Variants in LARP4 observed in about 807,000 individuals in gnomAD.
LARP4 encodes the protein la-related protein 4.
LARP4 carries 29 observed loss-of-function variants against 92.9 expected under a neutral mutation model. That is an observed-to-expected ratio of 0.31 (90% CI 0.23 to 0.43). The LOEUF (loss-of-function observed/expected upper bound fraction) is 0.43. Ranked by LOEUF, LARP4 falls within the 20% of genes least tolerant of loss-of-function variation. LARP4 has a pLI of 1.00. For synonymous variants in LARP4, 279 were observed against 284.1 expected, an observed-to-expected ratio of 0.98 and a Z score of 0.18; for missense variants, 732 against 860.0, an observed-to-expected ratio of 0.85 and a Z score of 1.86.
intron 12 of LARP4, among the ~76,000 whole-genome samples, chr12:50,465,931 A>C (rs1430195928): frequency 6.6e-6 from 1 of 152,232 alleles, no homozygotes; most frequent in Non-Finnish European, 1.5e-5. Context: ...TGAGAAGTAA[A>C]GAGTAATAAC....
intron 7 of LARP4, 119 bp downstream of exon 7, chr12:50,440,668 GTCACCCTTTTGCTTTTGC>G: frequency 1.6e-6 from 1 of 639,312 alleles, no homozygotes. Context: ...GAGTACCTTG[GTCACCCTTTTGCTTTTGC>G]TCAATTGGTT....
In LARP4 at chr12:50,427,768, G is replaced by T. The variant is rs146142861; in HGVS notation, c.25G>T (p.Ala9Ser). Residue 9 changes from alanine (A) to serine (S), a missense_variant, in exon 2 of 16, where the codon GCA becomes TCA. Coordinates refer to ENST00000398473, the MANE Select transcript of LARP4 (RefSeq NM_052879.5). ...AGATCCTTCGATTATTTAGCAGGTAGCATCTAAAGGAACTGGTTTAAATCC... is the reference window on the plus strand; with the variant it reads ...AGATCCTTCGATTATTTAGCAGGTATCATCTAAAGGAACTGGTTTAAATCC... MLLFVEQV[A>S]SKGTGLNPNA... 35,976 of 1,533,430 alleles carry T rather than the reference G, an allele frequency of 0.023. 532 individuals are homozygous for T. The highest frequency in any genetic ancestry group is 0.053 in the Middle Eastern group (239 of 4,516). 95.0% of individuals were successfully genotyped at this position (1,533,430 alleles called of 1,614,324 possible).
intron 4 of LARP4, among the ~76,000 whole-genome samples, chr12:50,435,280 A>G (rs1490796490): frequency 6.6e-6 from 1 of 152,248 alleles, no homozygotes; most frequent in Non-Finnish European, 1.5e-5. Flanking sequence ...TAAAAGTTAT[A>G]TTAACTAATG....
At position 50,416,649 on chromosome 12, in the gene LARP4, G is replaced by A. The variant is rs147719040; in HGVS notation, c.19-11113G>A. On this transcript the variant is annotated intron_variant, in intron 1 of 15. Transcript: ENST00000398473. ...CAGTGGGCCAAGATCACACCACTGC[G>A]CTCCATCCTAGGCCGCAGAGTGAGA... Among the ~76,000 whole-genome samples the A allele has an allele frequency of 2.1e-3, 320 of 152,088 alleles. 1 individual carries two copies. The highest frequency in any genetic ancestry group is 7.1e-3 in the African/African-American group (293 of 41,496).
At position 50,426,687 on chromosome 12, in the gene LARP4, GTGT is replaced by G. The variant is rs1948775195; in HGVS notation, c.19-1074_19-1072del. The stretch of plus-strand genomic sequence containing the variant: ...TGGAACAGGGCATTATGTTTGGGGT[GTGT>G]GTGTGTGTGTGTGTGTGTGTGTGTG... On this transcript the variant is annotated intron_variant, in intron 1 of 15. Coordinates refer to ENST00000398473, the MANE Select transcript of LARP4 (RefSeq NM_052879.5). Among the ~76,000 whole-genome samples, 235 of 81,048 alleles carry G rather than the reference GTGT, an allele frequency of 2.9e-3. 4 individuals are homozygous for G. The highest frequency in any genetic ancestry group is 8.7e-3 in the African/African-American group (193 of 22,094). The allele number at this position is 81,048 out of a possible 152,430, so 53.2% of individuals were successfully genotyped here.
intron 10 of LARP4, among the ~76,000 whole-genome samples, chr12:50,459,141 G>A (rs2138572385): frequency 6.6e-6 from 1 of 152,266 alleles, no homozygotes. Context: ...TGGGATTACA[G>A]GTGTTTGCCA....
chr12:50,468,173 T>G (rs1286143703), intron 13 of LARP4, among the ~76,000 whole-genome samples: 1 of 152,068 alleles, frequency 6.6e-6, no homozygotes, highest in Non-Finnish European at 1.5e-5. Flanking sequence ...AGAGACAGGG[T>G]TTCTCCATGT....
At chr12:50,403,244 G>A (rs1025860309) in intron 1 of LARP4, among the ~76,000 whole-genome samples, 3 of 152,178 alleles carry the variant, frequency 2.0e-5, no homozygotes, top group Non-Finnish European at 2.9e-5. Flanking sequence ...GAGGAAGTAA[G>A]TACCTAAGCT....
intron 13 of LARP4, among the ~76,000 whole-genome samples, chr12:50,470,743 A>G (rs112010785): frequency 1.4e-4 from 22 of 152,262 alleles, no homozygotes; most frequent in African/African-American, 4.6e-4. Context: ...TATAACCCCA[A>G]CACACAATTA....
intron 12 of LARP4, 50 bp downstream of exon 12, chr12:50,462,680 C>G (rs779326821): frequency 8.5e-7 from 1 of 1,181,700 alleles, no homozygotes; most frequent in South Asian, 1.3e-5. Context: ...CTGTGATTTA[C>G]TATGGCATTG....
intron 12 of LARP4, among the ~76,000 whole-genome samples, chr12:50,463,244 A>G (rs570831870): frequency 6.6e-6 from 1 of 150,976 alleles, no homozygotes; most frequent in African/African-American, 2.4e-5. Flanking sequence ...GCCCCATGCA[A>G]GTGCAAAACC....
intron 5 of LARP4, among the ~76,000 whole-genome samples, chr12:50,437,086 C>T (rs2137462648): frequency 6.6e-6 from 1 of 152,280 alleles, no homozygotes; most frequent in African/African-American, 2.4e-5. Context: ...TCACACTTAA[C>T]TGCTTATTTT....
chr12:50,434,422 T>G (rs1474234552), intron 4 of LARP4, among the ~76,000 whole-genome samples: 6 of 150,618 alleles, frequency 4.0e-5, no homozygotes, highest in Admixed American at 6.6e-5. Context: ...TTTTTTTTTT[T>G]TTGTTTATGT....
chr12:50,449,229 G>A (rs368768981), intron 8 of LARP4, among the ~76,000 whole-genome samples: 12 of 152,262 alleles, frequency 7.9e-5, no homozygotes, highest in South Asian at 2.1e-4. Context: ...TGGCGGCAGA[G>A]CAAGACTGTG....
chr12:50,401,141 G>C, intron 1 of LARP4, 113 bp downstream of exon 1: 6 of 1,233,062 alleles, frequency 4.9e-6, no homozygotes, highest in African/African-American at 1.5e-5. Context: ...GGAACCGGCA[G>C]ATAGGCTGAC....
chr12:50,420,475 T>C (rs1947555212), intron 1 of LARP4, among the ~76,000 whole-genome samples: 1 of 152,208 alleles, frequency 6.6e-6, no homozygotes, highest in Non-Finnish European at 1.5e-5. Context: ...TGATGAACGA[T>C]TTCAGGGAGT....
At position 50,479,164 on chromosome 12, in the gene LARP4, A is replaced by G. The variant is rs1317414242; in HGVS notation, c.*3300A>G. 6.6e-6 allele frequency: 1 copy of G among 152,598 alleles called. No individual in the cohort carries two copies. Among genetic ancestry groups the G allele is most frequent in the Non-Finnish European group, 1.5e-5 (1 of 68,018 alleles). The allele number at this position is 152,598 out of a possible 1,614,324, so 9.5% of individuals were successfully genotyped here. A position where few individuals can be genotyped will look rare whatever the true frequency, so the allele number is the denominator to read the frequency against. ...TAGTTTTCTTAGTTATGGCCTTAAT[A>G]ATTAGTCTCTTGGCTTAAATGTCCA... On this transcript the variant is annotated 3_prime_UTR_variant, in exon 16 of 16. Transcript: ENST00000398473.
intron 4 of LARP4, among the ~76,000 whole-genome samples, chr12:50,435,180 G>A (rs2137357396): frequency 6.6e-6 from 1 of 152,284 alleles, no homozygotes; most frequent in East Asian, 1.9e-4. Context: ...GTAATGTTTT[G>A]TTAAAGTGCT....
intron 5 of LARP4, among the ~76,000 whole-genome samples, chr12:50,436,155 G>GGTGT (rs1233189885): frequency 1.9e-5 from 2 of 107,162 alleles, no homozygotes; most frequent in African/African-American, 6.7e-5. Context: ...ATCCCGCTGG[G>GGTGT]GTGTGTGTGT....
Sources: allele counts gnomAD v4.1 joint callset (sites outside exome capture counted in the v4.1 genomes callset), GRCh38; gene constraint gnomAD v4.1.1; transcripts MANE v1.5; gene names NCBI Gene and HGNC (gene_info 2026-07-23, HGNC 2026-07-21).